MTREX: variants seen among roughly 807,000 people sequenced by gnomAD.
MTREX encodes the protein Mtr4 exosome RNA helicase, also known as exosome RNA helicase MTR4.
A neutral mutation model predicts 135.4 loss-of-function variants in MTREX; 76 were observed. That is an observed-to-expected ratio of 0.56 (90% confidence interval 0.47 to 0.68). The LOEUF is 0.68. Ranked by LOEUF, MTREX falls within the 30% of genes least tolerant of loss-of-function variation. The pLI, the probability that MTREX is intolerant of heterozygous loss-of-function variation, is 0.00. For missense variants in MTREX, 920 were observed against 1,262.1 expected (o/e 0.73, Z 4.11); for synonymous variants, 404 against 401.6 (o/e 1.01, Z -0.07).
At chr5:55,392,301 T>C (rs1172111305) in intron 19 of MTREX, among the ~76,000 whole-genome samples, 1 of 152,134 alleles carries the variant, frequency 6.6e-6, no homozygotes, top group Non-Finnish European at 1.5e-5. Context: ...CCCAGCACTT[T>C]GAGGGGCTGA....
At chr5:55,308,741 T>C (rs148770670) in intron 1 of MTREX, among the ~76,000 whole-genome samples, 83 of 152,322 alleles carry the variant, frequency 5.4e-4, no homozygotes, top group African/African-American at 1.8e-3. Context: ...TAAAAATTAC[T>C]GGACCCTACC....
intron 14 of MTREX, among the ~76,000 whole-genome samples, chr5:55,355,115 G>T (rs1055611742): frequency 6.6e-6 from 1 of 152,206 alleles, no homozygotes; most frequent in African/African-American, 2.4e-5. Flanking sequence ...GAGTTAAGCA[G>T]CCTGGGACCC....
At chr5:55,377,220 G>A (rs941142734) in intron 16 of MTREX, among the ~76,000 whole-genome samples, 1 of 152,048 alleles carries the variant, frequency 6.6e-6, no homozygotes, top group African/African-American at 2.4e-5. Context: ...CCAGCTACTC[G>A]GGAGGCTGAA....
chr5:55,337,164 G>A lies in MTREX; in HGVS notation c.516-2846G>A, dbSNP rs147222350. Among the ~76,000 whole-genome samples, 204 of 151,960 alleles carry A rather than the reference G, an allele frequency of 1.3e-3. 2 individuals carry two copies. In the Middle Eastern group the frequency reaches 0.024, roughly 18 times the overall value. ...ATGAGACAGGGTCTTGCTGTCAACCGGGTTGGAATGCAATGGCATAATCAT... is the reference window on the plus strand; with the variant it reads ...ATGAGACAGGGTCTTGCTGTCAACCAGGTTGGAATGCAATGGCATAATCAT... On this transcript the variant is annotated intron_variant, in intron 5 of 26. Transcript: ENST00000230640.
chr5:55,355,872 A>G (rs1301891404), intron 14 of MTREX, among the ~76,000 whole-genome samples: 1 of 152,170 alleles, frequency 6.6e-6, no homozygotes, highest in Non-Finnish European at 1.5e-5. Context: ...CTGTGGAGGA[A>G]TGGGGGGTAG....
chr5:55,350,861 C>T, intron 12 of MTREX, 58 bp from the exon 13 acceptor site: 3 of 1,330,186 alleles, frequency 2.3e-6, no homozygotes, highest in Non-Finnish European at 3.1e-6. Context: ...TTTAGTTTAA[C>T]ATTTTAAAAA....
At chr5:55,351,233 C>T (rs1302029388) in intron 13 of MTREX, among the ~76,000 whole-genome samples, 3 of 151,976 alleles carry the variant, frequency 2.0e-5, no homozygotes, top group African/African-American at 4.8e-5. Flanking sequence ...TGTTTCCTTT[C>T]TTCAAGAATG....
chr5:55,419,195 A>C (rs1372760908), intron 25 of MTREX, among the ~76,000 whole-genome samples: 3 of 152,216 alleles, frequency 2.0e-5, no homozygotes, highest in Non-Finnish European at 4.4e-5. Context: ...TGTAGCACAC[A>C]GTACAGTGTG....
intron 12 of MTREX, 85 bp downstream of exon 12, chr5:55,349,737 A>C (rs777580438): frequency 2.6e-6 from 2 of 759,414 alleles, no homozygotes; most frequent in East Asian, 5.1e-5. Context: ...TTATTACTCT[A>C]TTGCACTTTT....
rs372334174 is a variant in MTREX at position 55,344,512 on chromosome 5, C to G, written c.907-10C>G. 1.5e-4 allele frequency: 244 copies of G among 1,577,204 alleles called. No homozygotes were observed. The highest frequency in any genetic ancestry group is 2.0e-4 in the Non-Finnish European group (235 of 1,148,220). On this transcript the variant is annotated splice_polypyrimidine_tract_variant and intron_variant, in intron 8 of 26. Transcript: ENST00000230640. ...TAAAATTTTGTATGTTTAATTCTTT[C>G]TTTTTACAGCCTTGTCATGTTATTT...
In MTREX at chr5:55,366,722, T is replaced by TAGG. The variant is rs764126966; in HGVS notation, c.1660-2_1660dup. On this transcript the variant is annotated splice_region_variant and splice_polypyrimidine_tract_variant and intron_variant, in intron 15 of 26. Coordinates refer to ENST00000230640, the MANE Select transcript of MTREX (RefSeq NM_015360.5). ...CAAAATTGACATTTTTTTTCTCTCT[T>TAGG]AGGGCTCCGCTGATCCTCTAAATAG... The TAGG allele has an allele frequency of 6.4e-7, 1 of 1,567,276 alleles. No individual in the cohort carries two copies. The highest frequency in any genetic ancestry group is 8.6e-7 in the Non-Finnish European group (1 of 1,158,524).
chr5:55,338,270 A>G (rs1048435922), intron 5 of MTREX, among the ~76,000 whole-genome samples: 20 of 152,292 alleles, frequency 1.3e-4, no homozygotes, highest in Non-Finnish European at 2.6e-4. Flanking sequence ...GTCACTGGAT[A>G]TAGAGTTCCT....
At chr5:55,355,161 TGTG>T (rs1185687274) in intron 14 of MTREX, among the ~76,000 whole-genome samples, 3 of 152,020 alleles carry the variant, frequency 2.0e-5, no homozygotes, top group Non-Finnish European at 4.4e-5. Context: ...CCTGCTTCCT[TGTG>T]GAGGACAGTG....
intron 16 of MTREX, among the ~76,000 whole-genome samples, chr5:55,371,302 C>T (rs1750190763): frequency 6.6e-6 from 1 of 152,124 alleles, no homozygotes; most frequent in African/African-American, 2.4e-5. Flanking sequence ...GCAATCTGTG[C>T]TTTTACTTGT....
At chr5:55,363,077 A>G (rs985146546) in intron 15 of MTREX, among the ~76,000 whole-genome samples, 2 of 148,394 alleles carry the variant, frequency 1.3e-5, no homozygotes, top group African/African-American at 5.1e-5. Context: ...CAATGAATCA[A>G]ATTTTCCTGA....
At chr5:55,397,876 G>T (rs953940332) in intron 20 of MTREX, among the ~76,000 whole-genome samples, 1 of 152,122 alleles carries the variant, frequency 6.6e-6, no homozygotes, top group African/African-American at 2.4e-5. Context: ...ATAAATACAT[G>T]AAATTGTTTT....
At chr5:55,381,068 T>C (rs1750389823) in intron 18 of MTREX, among the ~76,000 whole-genome samples, 1 of 152,196 alleles carries the variant, frequency 6.6e-6, no homozygotes, top group East Asian at 1.9e-4. Flanking sequence ...TATACAGTTA[T>C]TCGTAGTATT....
intron 20 of MTREX, among the ~76,000 whole-genome samples, chr5:55,398,213 A>G (rs1224974551): frequency 1.3e-5 from 2 of 151,896 alleles, no homozygotes; most frequent in Non-Finnish European, 2.9e-5. Flanking sequence ...GCACTCTAGC[A>G]TGTGCAACAG....
At chr5:55,376,626 G>T (rs942375156) in intron 16 of MTREX, among the ~76,000 whole-genome samples, 2 of 152,222 alleles carry the variant, frequency 1.3e-5, no homozygotes, top group Non-Finnish European at 2.9e-5. Flanking sequence ...TTCTATACCT[G>T]TATAACCTTA....
Sources: gnomAD v4.1 joint callset for allele counts (sites outside exome capture counted in the v4.1 genomes callset) on GRCh38, gnomAD v4.1.1 for gene constraint, MANE v1.5 for transcripts, NCBI Gene and HGNC (gene_info 2026-07-23, HGNC 2026-07-21) for gene names.